The following ZNF257 variants were observed in gnomAD, a reference collection of about 807,000 sequenced individuals.
The protein encoded by ZNF257 is zinc finger protein 257.
ZNF257 carries 12 observed loss-of-function variants against 11.9 expected under a neutral mutation model. That is an observed-to-expected ratio of 1.01 (90% CI 0.65 to 1.63). ZNF257 has a LOEUF of 1.63. ZNF257 is among the 40% of genes most tolerant of loss of function. The pLI is 0.00. For missense variants in ZNF257, 580 were observed against 665.5 expected, an observed-to-expected ratio of 0.87 and a Z score of 1.41; for synonymous variants, 183 against 222.7, an observed-to-expected ratio of 0.82 and a Z score of 1.59.
intron 3 of ZNF257, among the ~76,000 whole-genome samples, chr19:22,082,668 C>CTT (rs2022388058): frequency 6.6e-6 from 1 of 152,066 alleles, no homozygotes; most frequent in Non-Finnish European, 1.5e-5. Context: ...CTCTGTATTA[C>CTT]TTTTTCCCTA....
chr19:22,084,124 G>A (rs2022420534), intron 3 of ZNF257, among the ~76,000 whole-genome samples: 1 of 145,688 alleles, frequency 6.9e-6, no homozygotes, highest in Non-Finnish European at 1.5e-5. Context: ...TGGGGGACAA[G>A]AGCAAGACTT....
In ZNF257 at chr19:22,090,522, T is replaced by G. The variant is rs1034793009; in HGVS notation, c.*1080T>G. The stretch of plus-strand genomic sequence containing the variant: ...CAATAAATACAAAGAAATATTTAAT[T>G]CAAATTGAGTTTATATAATTATCAG... On this transcript the variant is annotated 3_prime_UTR_variant, in exon 4 of 4. Transcript: ENST00000594947. 1.3e-5 allele frequency: 2 copies of G among 152,136 alleles called. No homozygotes were observed. Among genetic ancestry groups the G allele is most frequent in the Non-Finnish European group, 2.9e-5 (2 of 68,002 alleles). The allele number at this position is 152,136 out of a possible 1,614,324, so 9.4% of individuals were successfully genotyped here.
chr19:22,059,802 A>C (rs2021745383), intron 1 of ZNF257, among the ~76,000 whole-genome samples: 1 of 151,802 alleles, frequency 6.6e-6, no homozygotes. Flanking sequence ...GGTTCAATGA[A>C]GCCTCAATCT....
At chr19:22,073,263 A>AT (rs1045727660) in intron 2 of ZNF257, among the ~76,000 whole-genome samples, 20 of 152,034 alleles carry the variant, frequency 1.3e-4, no homozygotes, top group African/African-American at 4.8e-4. Context: ...GCTACCACCA[A>AT]TTTTTTTATT....
chr19:22,055,760 G>A (rs952541212), intron 1 of ZNF257, among the ~76,000 whole-genome samples: 1 of 151,994 alleles, frequency 6.6e-6, no homozygotes, highest in Non-Finnish European at 1.5e-5. Flanking sequence ...CCCTCGGTTT[G>A]TCACCTTGAA....
At chr19:22,080,816 A>G (rs1422760083) in intron 3 of ZNF257, among the ~76,000 whole-genome samples, 2 of 151,184 alleles carry the variant, frequency 1.3e-5, no homozygotes, top group East Asian at 3.9e-4. Flanking sequence ...TATTATATAT[A>G]CATATACATA....
intron 3 of ZNF257, chr19:22,074,308 G>A (rs1247056163): frequency 6.6e-6 from 1 of 151,918 alleles, no homozygotes; most frequent in African/African-American, 2.4e-5. Flanking sequence ...AGTGTAAAGA[G>A]TTTTTATCTC....
intron 2 of ZNF257, 147 bp from the exon 3 acceptor site, chr19:22,073,322 C>G (rs542902107): frequency 2.8e-6 from 3 of 1,058,552 alleles, no homozygotes; most frequent in South Asian, 4.5e-5. Context: ...ACAGTATTTT[C>G]TAAATATTTA....
At chr19:22,052,723 T>C in intron 1 of ZNF257, 88 bp downstream of exon 1, 1 of 1,533,556 alleles carries the variant, frequency 6.5e-7, no homozygotes, top group Non-Finnish European at 9.0e-7. Flanking sequence ...TCAGGCCTCC[T>C]TGCAGTCAGC....
At position 22,088,184 on chromosome 19, in the gene ZNF257, A is replaced by G. The variant is rs188101230; in HGVS notation, c.434A>G (p.Tyr145Cys). Residue 145 changes from tyrosine (Y) to cysteine (C), a missense_variant, in exon 4 of 4, where the codon TAT becomes TGT. Coordinates refer to ENST00000594947, the MANE Select transcript of ZNF257 (RefSeq NM_033468.4). ...CTGATAACTACCCAGAGCAAAATGTATCAATGTGATAAATATGTAAAAGTC... is the reference window on the plus strand; with the variant it reads ...CTGATAACTACCCAGAGCAAAATGTGTCAATGTGATAAATATGTAAAAGTC... ...QCLITTQSKM[Y>C]QCDKYVKVFY... is the part of the protein sequence containing the mutation. 787 of 1,608,532 alleles carry G rather than the reference A, an allele frequency of 4.9e-4. 4 individuals are homozygous for G. In the African/African-American group the frequency reaches 9.6e-3, roughly 20 times the overall value.
intron 1 of ZNF257, among the ~76,000 whole-genome samples, chr19:22,054,339 G>A (rs1230986304): frequency 2.0e-5 from 3 of 152,058 alleles, no homozygotes; most frequent in Non-Finnish European, 2.9e-5. Context: ...CAAAGTGCTG[G>A]GATTACAGGA....
chr19:22,078,383 T>C (rs1025935882), intron 3 of ZNF257, among the ~76,000 whole-genome samples: 10 of 152,122 alleles, frequency 6.6e-5, no homozygotes, highest in Non-Finnish European at 1.5e-4. Context: ...ATATTTTTGA[T>C]AAGAATTTTG....
chr19:22,055,320 C>T (rs1431639426), intron 1 of ZNF257, among the ~76,000 whole-genome samples: 2 of 152,080 alleles, frequency 1.3e-5, no homozygotes, highest in African/African-American at 2.4e-5. Context: ...ATTCTCCTGC[C>T]TCAGCCTCCC....
chr19:22,068,119 TAACA>T (rs1199837333), intron 1 of ZNF257, among the ~76,000 whole-genome samples: 5 of 150,458 alleles, frequency 3.3e-5, no homozygotes, highest in East Asian at 2.0e-4. Flanking sequence ...CGTTTGTTAC[TAACA>T]AACATTTTTG....
At chr19:22,064,610 A>C (rs1367830051) in intron 1 of ZNF257, among the ~76,000 whole-genome samples, 1 of 152,238 alleles carries the variant, frequency 6.6e-6, no homozygotes, top group African/African-American at 2.4e-5. Context: ...TAATATTTTC[A>C]GGCTGAAGTA....
Position 22,087,985 on chromosome 19 carries a change from T to G in ZNF257, c.235T>G (p.Ser79Ala). ...EMVAKPPVMC[S>A]HIAEDLCPER... ...GTTTTTATTTCTTTTAGTTATGTGT[T>G]CTCATATTGCTGAAGACCTTTGCCC... The change falls in exon 4 of 4, where the codon TCT (serine) becomes GCT (alanine). Residue 79 changes from serine (S) to alanine (A), a missense_variant. Physicochemically the swap from Ser to Ala is moderately conservative, Grantham distance 99. Coordinates refer to ENST00000594947, the MANE Select transcript of ZNF257 (RefSeq NM_033468.4). 3 of 1,498,908 alleles carry G rather than the reference T, an allele frequency of 2.0e-6. No homozygotes were observed. The highest frequency in any genetic ancestry group is 2.7e-6 in the Non-Finnish European group (3 of 1,123,570). The allele number at this position is 1,498,908 out of a possible 1,614,324, so 92.9% of individuals were successfully genotyped here. A position where few individuals can be genotyped will look rare whatever the true frequency, so the allele number is the denominator to read the frequency against.
Position 22,068,098 on chromosome 19 carries a change from A to G in ZNF257, c.4-4711A>G, listed in dbSNP as rs182517403. On this transcript the variant is annotated intron_variant, in intron 1 of 3. Transcript: ENST00000594947. Reference sequence around the variant, plus strand: ...AGACACTTTGTTGCCTTGATCTCTCACTCCCAAAATCGTTTGTTACTAACA... The same window carrying G: ...AGACACTTTGTTGCCTTGATCTCTCGCTCCCAAAATCGTTTGTTACTAACA... 4.0e-3 allele frequency among the ~76,000 whole-genome samples: 582 copies of G among 145,246 alleles called. 8 individuals carry two copies. The highest frequency in any genetic ancestry group is 0.014 in the African/African-American group (552 of 38,486).
At chr19:22,063,987 T>G (rs748348033) in intron 1 of ZNF257, 1 of 152,234 alleles carries the variant, frequency 6.6e-6, no homozygotes, top group Non-Finnish European at 1.5e-5. Context: ...AGAATTAAAG[T>G]CTCTTCATAG....
chr19:22,055,006 G>T (rs2021592033), intron 1 of ZNF257, among the ~76,000 whole-genome samples: 1 of 150,894 alleles, frequency 6.6e-6, no homozygotes, highest in Non-Finnish European at 1.5e-5. Context: ...AGGGCTGAGA[G>T]GAGTCTCCTG....
Sources: gnomAD v4.1 joint callset for allele counts (sites outside exome capture counted in the v4.1 genomes callset) on GRCh38, gnomAD v4.1.1 for gene constraint, MANE v1.5 for transcripts, NCBI Gene and HGNC (gene_info 2026-07-23, HGNC 2026-07-21) for gene names.